COL25A1: variants seen among roughly 807,000 people sequenced by gnomAD.
The protein encoded by COL25A1 is collagen alpha-1(XXV) chain.
In COL25A1, 103 loss-of-function variants were observed where a neutral mutation model predicts 128.4. The observed-to-expected ratio is 0.80, with a 90% CI of 0.68 to 0.94. The LOEUF is 0.94. Among genes scored for constraint, COL25A1 ranks in the 40% least tolerant of loss-of-function variants. The pLI is 0.00. For synonymous variants in COL25A1, 279 were observed against 277.2 expected (o/e 1.01, Z -0.06); for missense variants, 745 against 840.0 (o/e 0.89, Z 1.40).
intron 6 of COL25A1, among the ~76,000 whole-genome samples, chr4:108,984,629 C>T (rs1753453410): frequency 6.6e-6 from 1 of 152,232 alleles, no homozygotes; most frequent in Admixed American, 6.5e-5. Context: ...CAGGTGGGGC[C>T]AGCCGGCCGC....
intron 3 of COL25A1, among the ~76,000 whole-genome samples, chr4:109,085,434 T>G (rs1277350473): frequency 1.3e-5 from 2 of 152,188 alleles, no homozygotes; most frequent in Non-Finnish European, 2.9e-5. Context: ...CATTCTTCCT[T>G]CTGATTCCAC....
At chr4:109,007,927 T>C (rs965609745) in intron 6 of COL25A1, among the ~76,000 whole-genome samples, 1 of 152,242 alleles carries the variant, frequency 6.6e-6, no homozygotes, top group East Asian at 1.9e-4. Flanking sequence ...TGTGGCTGTA[T>C]ACTCAAGATT....
At chr4:109,210,165 AAGGAGCGAAG>A (rs1777381108) in intron 3 of COL25A1, among the ~76,000 whole-genome samples, 1 of 124,898 alleles carries the variant, frequency 8.0e-6, no homozygotes, top group Admixed American at 7.7e-5. Context: ...GTGCAACATA[AAGGAGCGAAG>A]CCTCAAAAAA....
chr4:109,194,005 A>T (rs1458455963), intron 3 of COL25A1, among the ~76,000 whole-genome samples: 2 of 152,202 alleles, frequency 1.3e-5, no homozygotes, highest in African/African-American at 4.8e-5. Flanking sequence ...GACTAATACC[A>T]TTCTCTTTAT....
chr4:108,970,058 C>A (rs915462659), intron 8 of COL25A1, among the ~76,000 whole-genome samples: 1 of 152,098 alleles, frequency 6.6e-6, no homozygotes, highest in Non-Finnish European at 1.5e-5. Context: ...CTCGCCACCA[C>A]GCCTGGCTAC....
intron 3 of COL25A1, among the ~76,000 whole-genome samples, chr4:109,087,724 A>T (rs1252948795): frequency 6.6e-6 from 1 of 152,196 alleles, no homozygotes; most frequent in African/African-American, 2.4e-5. Flanking sequence ...AGACATTCAA[A>T]TACTTACATT....
intron 6 of COL25A1, among the ~76,000 whole-genome samples, chr4:108,987,278 ACTCT>A (rs59693773): frequency 0.3 from 46,189 of 151,634 alleles, 7,918 homozygotes; most frequent in South Asian, 0.47. Flanking sequence ...CTGTCTTCTC[ACTCT>A]CTCTATCTTT....
intron 3 of COL25A1, among the ~76,000 whole-genome samples, chr4:109,254,139 T>C (rs1250791351): frequency 2.0e-5 from 3 of 149,744 alleles, no homozygotes; most frequent in Non-Finnish European, 4.5e-5. Context: ...GCAAAAACCC[T>C]GATGAATCCC....
intron 3 of COL25A1, among the ~76,000 whole-genome samples, chr4:109,226,386 AAAT>A (rs966799828): frequency 1.4e-4 from 21 of 152,312 alleles, no homozygotes; most frequent in African/African-American, 4.6e-4. Context: ...TAAAAAGAAA[AAAT>A]AATTTTTCTC....
At chr4:108,937,775 T>C in intron 11 of COL25A1, 33 bp downstream of exon 11, 2 of 1,567,476 alleles carry the variant, frequency 1.3e-6, no homozygotes, top group Non-Finnish European at 1.7e-6. Flanking sequence ...ACAACCAGGC[T>C]TAGTATAGAA....
At chr4:108,932,187 T>C (rs1746835808) in intron 11 of COL25A1, among the ~76,000 whole-genome samples, 1 of 152,150 alleles carries the variant, frequency 6.6e-6, no homozygotes, top group Non-Finnish European at 1.5e-5. Flanking sequence ...AGCCATGAGT[T>C]TTATGAAATC....
At chr4:108,826,275 C>T (rs1056687834) in intron 33 of COL25A1, among the ~76,000 whole-genome samples, 2 of 152,190 alleles carry the variant, frequency 1.3e-5, no homozygotes, top group African/African-American at 2.4e-5. Flanking sequence ...CAGTGTCTCA[C>T]GCCTATAAAT....
At chr4:109,093,259 C>T (rs1255591961) in intron 3 of COL25A1, among the ~76,000 whole-genome samples, 1 of 151,994 alleles carries the variant, frequency 6.6e-6, no homozygotes, top group African/African-American at 2.4e-5. Flanking sequence ...GATGAAGTTC[C>T]TAACCCTTTT....
chr4:108,926,482 A>T (rs1408665479), intron 11 of COL25A1, among the ~76,000 whole-genome samples: 3 of 152,204 alleles, frequency 2.0e-5, no homozygotes, highest in African/African-American at 7.2e-5. Flanking sequence ...ATTTAATAAA[A>T]GTTAGGCAAA....
At chr4:109,112,990 G>T (rs1033057803) in intron 3 of COL25A1, among the ~76,000 whole-genome samples, 1 of 152,108 alleles carries the variant, frequency 6.6e-6, no homozygotes, top group Admixed American at 6.6e-5. Flanking sequence ...AACTCTGATT[G>T]ATAAGGGGGA....
intron 32 of COL25A1, among the ~76,000 whole-genome samples, chr4:108,828,196 A>G (rs1260923461): frequency 1.3e-5 from 2 of 152,196 alleles, no homozygotes; most frequent in Admixed American, 6.5e-5. Context: ...GCTAGAGTGC[A>G]GTGGCACAAT....
chr4:108,905,703 T>A (rs1053453679), intron 13 of COL25A1, among the ~76,000 whole-genome samples: 6 of 152,050 alleles, frequency 3.9e-5, no homozygotes, highest in African/African-American at 1.5e-4. Flanking sequence ...GAAGACATCA[T>A]GAACCAAAAG....
At chr4:109,180,102 C>T (rs376096623) in intron 3 of COL25A1, among the ~76,000 whole-genome samples, 7 of 152,082 alleles carry the variant, frequency 4.6e-5, no homozygotes, top group African/African-American at 1.4e-4. Context: ...CATTTTAATG[C>T]ATGTGTTTAT....
chr4:108,825,317 C>T (rs1732241328), intron 33 of COL25A1, 95 bp from the exon 34 acceptor site: 2 of 874,844 alleles, frequency 2.3e-6, no homozygotes, highest in Non-Finnish European at 1.9e-6. Context: ...AACACTAGTA[C>T]TAGAACAACT....
Sources: allele counts gnomAD v4.1 joint callset (sites outside exome capture counted in the v4.1 genomes callset), GRCh38; gene constraint gnomAD v4.1.1; transcripts MANE v1.5; gene names NCBI Gene and HGNC (gene_info 2026-07-23, HGNC 2026-07-21).